ZFPM2: variants seen among roughly 807,000 people sequenced by gnomAD.
ZFPM2 encodes zinc finger protein, FOG family member 2, also known as zinc finger protein ZFPM2.
Under a neutral mutation model 98.6 loss-of-function variants are expected in ZFPM2, and 20 were observed. That is an observed-to-expected ratio of 0.20 (90% confidence interval 0.14 to 0.29). ZFPM2 has a LOEUF of 0.29. ZFPM2 is among the 10% of genes least tolerant of loss of function. The pLI, the probability that ZFPM2 is intolerant of heterozygous loss-of-function variation, is 1.00. For synonymous variants in ZFPM2, 518 were observed against 502.7 expected, an observed-to-expected ratio of 1.03 and a Z score of -0.41; for missense variants, 1,310 against 1,388.6, an observed-to-expected ratio of 0.94 and a Z score of 0.90.
At chr8:105,697,777 T>C (rs1183556234) in intron 5 of ZFPM2, among the ~76,000 whole-genome samples, 3 of 152,200 alleles carry the variant, frequency 2.0e-5, no homozygotes, top group Admixed American at 6.5e-5. Flanking sequence ...GAGGCCAGAC[T>C]GTATTTTTAA....
intron 5 of ZFPM2, among the ~76,000 whole-genome samples, chr8:105,712,579 A>C (rs1192852274): frequency 6.6e-6 from 1 of 152,038 alleles, no homozygotes; most frequent in African/African-American, 2.4e-5. Flanking sequence ...TTTTAGGTTC[A>C]GATTCAAGGA....
intron 3 of ZFPM2, among the ~76,000 whole-genome samples, chr8:105,464,256 A>T (rs1224296912): frequency 2.6e-5 from 4 of 152,072 alleles, no homozygotes; most frequent in Admixed American, 1.3e-4. Flanking sequence ...CTGTGTTTTC[A>T]AAAAACCACA....
At chr8:105,393,242 A>G (rs1811142555) in intron 1 of ZFPM2, among the ~76,000 whole-genome samples, 1 of 152,170 alleles carries the variant, frequency 6.6e-6, no homozygotes, top group Non-Finnish European at 1.5e-5. Flanking sequence ...AAGACAGCCT[A>G]ATAAAAATAG....
intron 6 of ZFPM2, among the ~76,000 whole-genome samples, chr8:105,797,551 A>T (rs372333820): frequency 6.6e-6 from 1 of 152,128 alleles, no homozygotes; most frequent in Admixed American, 6.5e-5. Flanking sequence ...AGAGTCTGCA[A>T]TTCTTTCACA....
intron 4 of ZFPM2, among the ~76,000 whole-genome samples, chr8:105,607,391 A>G (rs1032556592): frequency 3.3e-5 from 5 of 152,106 alleles, no homozygotes; most frequent in African/African-American, 1.2e-4. Flanking sequence ...GAAAAGAAGA[A>G]GGGAACAGAG....
At chr8:105,731,515 T>G (rs1389343173) in intron 5 of ZFPM2, among the ~76,000 whole-genome samples, 6 of 151,690 alleles carry the variant, frequency 4.0e-5, no homozygotes, top group Non-Finnish European at 7.4e-5. Flanking sequence ...TCATATGTCC[T>G]TCTACATGTA....
chr8:105,514,572 A>G (rs1406697980), intron 3 of ZFPM2, among the ~76,000 whole-genome samples: 11 of 152,234 alleles, frequency 7.2e-5, no homozygotes, highest in African/African-American at 2.6e-4. Context: ...AAGCCTCACT[A>G]TAAACAGCGC....
At chr8:105,791,361 T>C (rs1453851518) in intron 6 of ZFPM2, among the ~76,000 whole-genome samples, 1 of 152,212 alleles carries the variant, frequency 6.6e-6, no homozygotes, top group Admixed American at 6.5e-5. Context: ...GTGGTTTTTG[T>C]CTTTGGTTCT....
At chr8:105,659,410 G>A (rs1190274911) in intron 5 of ZFPM2, among the ~76,000 whole-genome samples, 4 of 152,168 alleles carry the variant, frequency 2.6e-5, no homozygotes, top group African/African-American at 7.2e-5. Flanking sequence ...ATGTTGGAAC[G>A]GAAGCACAGG....
chr8:105,751,958 T>A (rs566592044), intron 5 of ZFPM2, among the ~76,000 whole-genome samples: 1 of 152,276 alleles, frequency 6.6e-6, no homozygotes, highest in South Asian at 2.1e-4. Flanking sequence ...CGAATCCATA[T>A]TTCTGAAATA....
At chr8:105,717,900 C>T (rs1811563239) in intron 5 of ZFPM2, among the ~76,000 whole-genome samples, 1 of 151,646 alleles carries the variant, frequency 6.6e-6, no homozygotes, top group Non-Finnish European at 1.5e-5. Context: ...AAGTAGCTTG[C>T]TCATCATCTC....
intron 5 of ZFPM2, among the ~76,000 whole-genome samples, chr8:105,705,204 TATTTA>T (rs1455421906): frequency 2.6e-5 from 4 of 152,134 alleles, no homozygotes; most frequent in Non-Finnish European, 2.9e-5. Flanking sequence ...TATGTGAAGA[TATTTA>T]ATTTAATGTA....
chr8:105,798,839 G>A lies in ZFPM2; in HGVS notation c.855G>A (p.Glu285=). 1 of 1,613,984 alleles carries A rather than the reference G, an allele frequency of 6.2e-7. No individual in the cohort carries two copies. Among genetic ancestry groups the A allele is most frequent in the South Asian group, 1.1e-5 (1 of 91,078 alleles). Residue 285 remains glutamate (E), a synonymous_variant, in exon 7 of 8, where the codon GAG becomes GAA. Coordinates refer to ENST00000407775, the MANE Select transcript of ZFPM2 (RefSeq NM_012082.4). ...AAAGAGAAGCTGCTCCGGTGTCAGAGGAAAATGAAGACAGTGCCCATCAGA... is the reference window on the plus strand; with the variant it reads ...AAAGAGAAGCTGCTCCGGTGTCAGAAGAAAATGAAGACAGTGCCCATCAGA... The part of the protein sequence containing the change: ...GRQREAAPVS[E]ENEDSAHQIS...
rs1332089916 is a variant in ZFPM2, at chr8:105,355,457, C to T, written c.40+36476C>T. The stretch of plus-strand genomic sequence containing the variant: ...CTTTTAAATTCTAGAAAATTTCCTA[C>T]TTGAAAACTTGAAGGAAGTTGGGCC... On this transcript the variant is annotated intron_variant, in intron 1 of 7. Transcript: ENST00000407775. Among the ~76,000 whole-genome samples the T allele has an allele frequency of 3.3e-5, 5 of 152,114 alleles. No individual in the cohort carries two copies. In the East Asian group the frequency reaches 7.7e-4, roughly 23 times the overall value.
chr8:105,665,698 G>A (rs371346065), intron 5 of ZFPM2, among the ~76,000 whole-genome samples: 15 of 152,108 alleles, frequency 9.9e-5, no homozygotes, highest in African/African-American at 2.4e-4. Flanking sequence ...AGAACAGCTC[G>A]GGTTCTATTC....
chr8:105,794,050 G>A (rs1477073240), intron 6 of ZFPM2, among the ~76,000 whole-genome samples: 1 of 152,052 alleles, frequency 6.6e-6, no homozygotes, highest in African/African-American at 2.4e-5. Flanking sequence ...TAGTTTGATT[G>A]TCTGAAGCCT....
rs756634270 is a variant in ZFPM2 at position 105,803,448 on chromosome 8, G to C, written c.3366G>C (p.Arg1122=). ...SQAPTSGKYC[R]LCDIQFNNLS... ...CTCCAACCAGTGGGAAATATTGCCGGCTATGTGATATCCAGTTCAACAACC... is the reference window on the plus strand; with the variant it reads ...CTCCAACCAGTGGGAAATATTGCCGCCTATGTGATATCCAGTTCAACAACC... Residue 1122 remains arginine (R), a synonymous_variant, in exon 8 of 8, where the codon CGG becomes CGC. Coordinates refer to ENST00000407775, the MANE Select transcript of ZFPM2 (RefSeq NM_012082.4). The C allele has an allele frequency of 1.2e-6, 2 of 1,613,578 alleles. No individual in the cohort carries two copies. Among genetic ancestry groups the C allele is most frequent in the Admixed American group, 1.7e-5 (1 of 59,962 alleles).
At chr8:105,782,582 T>C (rs1240611712) in intron 5 of ZFPM2, 3 of 152,192 alleles carry the variant, frequency 2.0e-5, no homozygotes, top group African/African-American at 7.2e-5. Flanking sequence ...CCATTGTGGA[T>C]TGGTTTCAAG....
intron 1 of ZFPM2, among the ~76,000 whole-genome samples, chr8:105,379,658 C>G (rs1275941476): frequency 6.6e-6 from 1 of 150,794 alleles, no homozygotes; most frequent in African/African-American, 2.4e-5. Context: ...GAGGCTGAGG[C>G]GAGAGAATTA....
Sources: allele counts gnomAD v4.1 joint callset (sites outside exome capture counted in the v4.1 genomes callset), GRCh38; gene constraint gnomAD v4.1.1; transcripts MANE v1.5; gene names NCBI Gene and HGNC (gene_info 2026-07-23, HGNC 2026-07-21).